MDGA2: variants seen among roughly 807,000 people sequenced by gnomAD.
The protein encoded by MDGA2 is MAM domain containing glycosylphosphatidylinositol anchor 2.
Under a neutral mutation model 117.8 loss-of-function variants are expected in MDGA2, and 40 were observed. That is an observed-to-expected ratio of 0.34 (90% confidence interval 0.26 to 0.44). The LOEUF (loss-of-function observed/expected upper bound fraction) is 0.44, where lower values mean the gene tolerates loss of function less well. Among genes scored for constraint, MDGA2 ranks in the 20% least tolerant of loss-of-function variants. MDGA2 has a pLI of 1.00. For synonymous variants in MDGA2, 452 were observed against 439.0 expected (o/e 1.03, Z -0.37); for missense variants, 1,123 against 1,250.6 (o/e 0.90, Z 1.54).
chr14:47,394,130 T>A (rs1310383099), intron 1 of MDGA2, among the ~76,000 whole-genome samples: 2 of 152,106 alleles, frequency 1.3e-5, no homozygotes, highest in African/African-American at 4.8e-5. Context: ...CAATAAAAAA[T>A]TTTTATAATA....
intron 1 of MDGA2, among the ~76,000 whole-genome samples, chr14:47,483,709 C>G (rs564459338): frequency 1.3e-5 from 2 of 152,320 alleles, no homozygotes; most frequent in Admixed American, 1.3e-4. Context: ...ATATTTACCT[C>G]ATTTTCCCAC....
intron 1 of MDGA2, among the ~76,000 whole-genome samples, chr14:47,531,138 G>C (rs559341154): frequency 6.6e-6 from 1 of 152,062 alleles, no homozygotes; most frequent in East Asian, 1.9e-4. Context: ...CCAGCTACTC[G>C]GGAGGCTGAG....
intron 2 of MDGA2, among the ~76,000 whole-genome samples, chr14:47,262,476 ATGT>A (rs1887828099): frequency 6.6e-6 from 1 of 152,210 alleles, no homozygotes; most frequent in South Asian, 2.1e-4. Flanking sequence ...ACACTGTTTG[ATGT>A]TATTATTAAA....
rs555822108 is a variant in MDGA2 at position 47,068,727 on chromosome 14, G to T, written c.1196-7149C>A. ...ACTAGAAACAGCTATCAGATGAGTG[G>T]CAGTTTAGAAAGATTGGTACAAAAT... On this transcript the variant is annotated intron_variant, in intron 6 of 16. Coordinates refer to ENST00000399232, the MANE Select transcript of MDGA2 (RefSeq NM_001113498.3). Among the ~76,000 whole-genome samples, 3 of 152,174 alleles carry T rather than the reference G, an allele frequency of 2.0e-5. No individual in the cohort carries two copies. In the East Asian group the frequency reaches 5.8e-4, roughly 29 times the overall value.
chr14:47,046,656 A>G (rs564746008), intron 7 of MDGA2, among the ~76,000 whole-genome samples: 2 of 151,934 alleles, frequency 1.3e-5, no homozygotes, highest in African/African-American at 4.8e-5. Context: ...GTAAATCTGG[A>G]AAACTGTATT....
chr14:47,196,486 G>A (rs918406168), intron 3 of MDGA2, among the ~76,000 whole-genome samples: 2 of 151,992 alleles, frequency 1.3e-5, no homozygotes, highest in African/African-American at 2.4e-5. Flanking sequence ...ATTTAACACC[G>A]CCCACTAACT....
chr14:46,986,471 C>T (rs1886862600), intron 8 of MDGA2, among the ~76,000 whole-genome samples: 1 of 151,888 alleles, frequency 6.6e-6, no homozygotes, highest in Non-Finnish European at 1.5e-5. Flanking sequence ...GGGCATCTGC[C>T]AACACTGATC....
chr14:47,470,147 G>C (rs1185465854), intron 1 of MDGA2, among the ~76,000 whole-genome samples: 1 of 151,120 alleles, frequency 6.6e-6, no homozygotes, highest in Non-Finnish European at 1.5e-5. Context: ...TTCAATTCTG[G>C]GTTACAAGTG....
chr14:47,343,078 C>G (rs1016176372), intron 1 of MDGA2: 7 of 1,277,076 alleles, frequency 5.5e-6, no homozygotes, highest in Non-Finnish European at 7.1e-6. Context: ...GGGATTCATA[C>G]TTGAACATGG....
chr14:47,049,100 C>T (rs1889362871), intron 7 of MDGA2, among the ~76,000 whole-genome samples: 1 of 152,014 alleles, frequency 6.6e-6, no homozygotes, highest in Admixed American at 6.6e-5. Context: ...ATTTTGTTTA[C>T]AAGTATTATT....
intron 1 of MDGA2, among the ~76,000 whole-genome samples, chr14:47,401,297 G>A (rs1892143135): frequency 1.3e-5 from 2 of 152,068 alleles, no homozygotes; most frequent in African/African-American, 4.8e-5. Context: ...CAGTAAAAGT[G>A]TCTTTAGGGA....
intron 14 of MDGA2, among the ~76,000 whole-genome samples, chr14:46,859,038 C>T (rs1881399417): frequency 6.6e-6 from 1 of 152,062 alleles, no homozygotes; most frequent in Non-Finnish European, 1.5e-5. Flanking sequence ...AAAATTGTTG[C>T]CCTAAATTCT....
chr14:46,841,193 T>G lies in MDGA2; in HGVS notation c.*738A>C, dbSNP rs1880595566. The G allele has an allele frequency of 6.6e-6, 1 of 152,560 alleles. No homozygotes were observed. Among genetic ancestry groups the G allele is most frequent in the Admixed American group, 6.6e-5 (1 of 15,238 alleles). 9.5% of individuals were successfully genotyped at this position (152,560 alleles called of 1,614,324 possible). ...AGATGACGTAGTTTGGGTGTTCAAG[T>G]GGCCGCAAGCAAACTCCGATAAGCC... On this transcript the variant is annotated 3_prime_UTR_variant, in exon 17 of 17. Transcript: ENST00000399232.
intron 3 of MDGA2, among the ~76,000 whole-genome samples, chr14:47,182,072 T>C (rs927453490): frequency 3.4e-4 from 51 of 152,174 alleles, no homozygotes; most frequent in African/African-American, 1.2e-3. Context: ...AACACGTTAA[T>C]CTATGCTAGG....
chr14:47,153,665 C>G (rs1429346065), intron 3 of MDGA2, among the ~76,000 whole-genome samples: 2 of 148,236 alleles, frequency 1.3e-5, no homozygotes, highest in Non-Finnish European at 3.0e-5. Context: ...GTGAGAGAGG[C>G]CTGGGCAGCA....
intron 1 of MDGA2, among the ~76,000 whole-genome samples, chr14:47,443,456 A>G (rs1445021414): frequency 2.0e-5 from 3 of 152,096 alleles, no homozygotes; most frequent in Non-Finnish European, 4.4e-5. Context: ...TTCAAAACAG[A>G]TGAGAAATGG....
intron 8 of MDGA2, among the ~76,000 whole-genome samples, chr14:47,011,590 TAG>T (rs762944685): frequency 3.3e-5 from 5 of 152,008 alleles, no homozygotes; most frequent in Non-Finnish European, 7.4e-5. Flanking sequence ...ACTGTATATG[TAG>T]AGTCTATTAG....
intron 1 of MDGA2, chr14:47,305,456 C>A (rs140715939): frequency 6.6e-6 from 1 of 152,054 alleles, no homozygotes; most frequent in African/African-American, 2.4e-5. Flanking sequence ...TGTCTTAATC[C>A]GAGGACATTT....
Position 46,841,827 on chromosome 14 carries a change from A to G in MDGA2, c.*104T>C. The G allele has an allele frequency of 1.4e-6, 1 of 734,310 alleles. No homozygotes were observed. Among genetic ancestry groups the G allele is most frequent in the South Asian group, 2.2e-5 (1 of 45,364 alleles). The allele number at this position is 734,310 out of a possible 1,614,324, so 45.5% of individuals were successfully genotyped here. On this transcript the variant is annotated 3_prime_UTR_variant, in exon 17 of 17. Coordinates refer to ENST00000399232, the MANE Select transcript of MDGA2 (RefSeq NM_001113498.3). Reference sequence around the variant, plus strand: ...TTATTTTATTTTTGAGTCAGTAGTCAGTGGAGGAATCTTTGGTAGTTTGTT... The same window carrying G: ...TTATTTTATTTTTGAGTCAGTAGTCGGTGGAGGAATCTTTGGTAGTTTGTT...
Sources: gnomAD v4.1 joint callset for allele counts (sites outside exome capture counted in the v4.1 genomes callset) on GRCh38, gnomAD v4.1.1 for gene constraint, MANE v1.5 for transcripts, NCBI Gene and HGNC (gene_info 2026-07-23, HGNC 2026-07-21) for gene names.